ARHGEF3: variants seen among roughly 807,000 people sequenced by gnomAD.
ARHGEF3 encodes Rho guanine nucleotide exchange factor 3, also known as 59.8 kDA protein.
In ARHGEF3, 28 loss-of-function variants were observed where a neutral mutation model predicts 63.2. That is an observed-to-expected ratio of 0.44 (90% CI 0.33 to 0.61). ARHGEF3 has a LOEUF of 0.61. Ranked by LOEUF, ARHGEF3 falls within the 20% of genes least tolerant of loss-of-function variation. The pLI is 0.03. For synonymous variants in ARHGEF3, 266 were observed against 254.2 expected (o/e 1.05, Z -0.44); for missense variants, 533 against 659.3 (o/e 0.81, Z 2.10).
intron 2 of ARHGEF3, among the ~76,000 whole-genome samples, chr3:56,769,224 A>C (rs550467598): frequency 5.9e-5 from 9 of 152,262 alleles, no homozygotes; most frequent in Non-Finnish European, 1.2e-4. Flanking sequence ...AAATGAGTCC[A>C]GTAGCCGTGA....
intron 1 of ARHGEF3, among the ~76,000 whole-genome samples, chr3:57,048,748 A>C (rs796271794): frequency 1.4e-4 from 22 of 152,244 alleles, no homozygotes; most frequent in African/African-American, 5.3e-4. Context: ...TTGTGTAATT[A>C]CTGGTGGCAG....
intron 2 of ARHGEF3, among the ~76,000 whole-genome samples, chr3:56,971,388 T>C (rs1700904768): frequency 6.6e-6 from 1 of 152,074 alleles, no homozygotes; most frequent in African/African-American, 2.4e-5. Context: ...CTGGATCCTT[T>C]ATAAATAAGC....
At chr3:57,077,640 T>C (rs907186982) in intron 1 of ARHGEF3, among the ~76,000 whole-genome samples, 2 of 152,114 alleles carry the variant, frequency 1.3e-5, no homozygotes, top group East Asian at 1.9e-4. Context: ...GACCCTTAAA[T>C]AGACTCCCAC....
At chr3:56,790,781 C>T (rs566813918) in intron 1 of ARHGEF3, among the ~76,000 whole-genome samples, 16 of 152,324 alleles carry the variant, frequency 1.1e-4, no homozygotes, top group Admixed American at 2.6e-4. Context: ...TTGCCCCCCT[C>T]GGCCATCTGG....
At chr3:56,929,971 G>A (rs7621108) in intron 3 of ARHGEF3, among the ~76,000 whole-genome samples, 15,572 of 151,998 alleles carry the variant, frequency 0.1, 1,178 homozygotes, top group East Asian at 0.25. Context: ...CTCCCTCACC[G>A]ATGACCCTCT....
At chr3:56,879,497 A>G (rs2040698350) in intron 4 of ARHGEF3, among the ~76,000 whole-genome samples, 1 of 152,206 alleles carries the variant, frequency 6.6e-6, no homozygotes, top group South Asian at 2.1e-4. Context: ...ATGGTCTCCA[A>G]AGACCTGTCC....
At chr3:56,793,919 C>A (rs538268336) in intron 1 of ARHGEF3, among the ~76,000 whole-genome samples, 29 of 152,254 alleles carry the variant, frequency 1.9e-4, no homozygotes, top group Admixed American at 1.2e-3. Context: ...TAAAAGAAAT[C>A]CTGTTTGTTG....
intron 1 of ARHGEF3, among the ~76,000 whole-genome samples, chr3:57,064,727 C>A (rs1705430072): frequency 6.6e-6 from 1 of 152,142 alleles, no homozygotes. Flanking sequence ...TATGAGGTAT[C>A]TAGAACAGTC....
intron 1 of ARHGEF3, among the ~76,000 whole-genome samples, chr3:56,785,129 G>A (rs750133637): frequency 2.2e-4 from 34 of 152,210 alleles, no homozygotes; most frequent in Admixed American, 1.8e-3. Flanking sequence ...AGAGTTCCAC[G>A]TCACCTGCCA....
At chr3:57,013,361 T>C (rs1393473390) in intron 2 of ARHGEF3, among the ~76,000 whole-genome samples, 1 of 152,244 alleles carries the variant, frequency 6.6e-6, no homozygotes, top group East Asian at 1.9e-4. Context: ...GAACTTTTTA[T>C]GTCTAGCTGG....
chr3:56,993,521 C>T (rs1233355828), intron 2 of ARHGEF3, among the ~76,000 whole-genome samples: 4 of 151,548 alleles, frequency 2.6e-5, no homozygotes, highest in African/African-American at 9.7e-5. Context: ...ACTACAGGTG[C>T]GTTCCACGAT....
chr3:57,018,165 G>A (rs12496738), intron 2 of ARHGEF3, among the ~76,000 whole-genome samples: 37,055 of 151,328 alleles, frequency 0.24, 5,065 homozygotes, highest in Middle Eastern at 0.31. Flanking sequence ...TGTAGTCCCA[G>A]CTACTCAGCA....
chr3:57,066,265 T>C (rs1035875972), intron 1 of ARHGEF3, among the ~76,000 whole-genome samples: 2 of 151,500 alleles, frequency 1.3e-5, no homozygotes, highest in African/African-American at 4.9e-5. Flanking sequence ...ACTTTTCCTT[T>C]CTTTCTTTTT....
chr3:56,789,020 A>ATGATGCTGC (rs1553754802), intron 1 of ARHGEF3, among the ~76,000 whole-genome samples: 3 of 149,112 alleles, frequency 2.0e-5, no homozygotes, highest in East Asian at 4.0e-4. Flanking sequence ...TTCAAGATAG[A>ATGATGCTGC]TGCTGCTGCT....
At chr3:56,845,602 A>T (rs894930849) in intron 4 of ARHGEF3, among the ~76,000 whole-genome samples, 5 of 152,292 alleles carry the variant, frequency 3.3e-5, no homozygotes, top group Non-Finnish European at 7.4e-5. Flanking sequence ...GTTTTAATAT[A>T]TGATGTTCCT....
chr3:57,021,517 G>A (rs1256211276), intron 2 of ARHGEF3, among the ~76,000 whole-genome samples: 1 of 152,052 alleles, frequency 6.6e-6, no homozygotes, highest in East Asian at 1.9e-4. Context: ...CAGCACTTTG[G>A]GAGGCCGAGG....
At chr3:56,907,202 A>G (rs963668043) in intron 3 of ARHGEF3, among the ~76,000 whole-genome samples, 26 of 152,100 alleles carry the variant, frequency 1.7e-4, no homozygotes, top group Admixed American at 1.6e-3. Context: ...GCTGGTCTCA[A>G]TCTCCTGACC....
chr3:56,823,842 T>C (rs2038609014), intron 4 of ARHGEF3, among the ~76,000 whole-genome samples: 1 of 152,024 alleles, frequency 6.6e-6, no homozygotes, highest in African/African-American at 2.4e-5. Context: ...CACATGACCA[T>C]TTGTGAGTCT....
intron 2 of ARHGEF3, among the ~76,000 whole-genome samples, chr3:57,034,552 A>G (rs902867236): frequency 6.6e-6 from 1 of 152,036 alleles, no homozygotes. Flanking sequence ...AAATCCCATC[A>G]TACTGAATGG....
Sources: gnomAD v4.1 joint callset for allele counts (sites outside exome capture counted in the v4.1 genomes callset) on GRCh38, gnomAD v4.1.1 for gene constraint, MANE v1.5 for transcripts, NCBI Gene and HGNC (gene_info 2026-07-23, HGNC 2026-07-21) for gene names.